SDSL: variants seen among roughly 807,000 people sequenced by gnomAD.
SDSL encodes serine dehydratase like.
A neutral mutation model predicts 27.6 loss-of-function variants in SDSL; 26 were observed. The observed-to-expected ratio is 0.94, with a 90% CI of 0.69 to 1.31. SDSL has a LOEUF of 1.31. Ranked by LOEUF, SDSL falls within the 50% of genes most tolerant of loss-of-function variation. The pLI is 0.00. For missense variants in SDSL, 431 were observed against 423.5 expected, an observed-to-expected ratio of 1.02 and a Z score of -0.16; for synonymous variants, 196 against 180.6, an observed-to-expected ratio of 1.09 and a Z score of -0.69.
chr12:113,427,928 A>T, intron 1 of SDSL, 34 bp from the exon 2 acceptor site: 2 of 1,557,686 alleles, frequency 1.3e-6, no homozygotes, highest in Non-Finnish European at 1.7e-6. Context: ...CTTGATGGGG[A>T]CTGCCTGGGT....
chr12:113,437,710 G>A (rs1165345604), intron 7 of SDSL, among the ~76,000 whole-genome samples, 176 bp from the exon 8 acceptor site: 1 of 152,190 alleles, frequency 6.6e-6, no homozygotes, highest in African/African-American at 2.4e-5. Context: ...GGAAGGATAG[G>A]AGGCCAGGCT....
chr12:113,431,147 TGTGGC>T (rs538218764), intron 4 of SDSL, among the ~76,000 whole-genome samples: 94 of 152,238 alleles, frequency 6.2e-4, no homozygotes, highest in Admixed American at 1.1e-3. Flanking sequence ...TGGGTGAAGG[TGTGGC>T]GTGGATGAGC....
In SDSL at chr12:113,438,121, G is replaced by A. The variant is rs1450522157; in HGVS notation, c.*42G>A. The A allele has an allele frequency of 3.3e-6, 5 of 1,532,608 alleles. No individual in the cohort carries two copies. Among genetic ancestry groups the A allele is most frequent in the Non-Finnish European group, 4.5e-6 (5 of 1,120,420 alleles). 94.9% of individuals were successfully genotyped at this position (1,532,608 alleles called of 1,614,324 possible). ...CCCAAAGACCCCTGAGAGGCCCATG[G>A]ACAGTCCTGTGTCTGGATGAGGAGG... On this transcript the variant is annotated 3_prime_UTR_variant, in exon 8 of 8. Coordinates refer to ENST00000403593, the MANE Select transcript of SDSL (RefSeq NM_001304993.2).
rs533577797 is a variant in SDSL at position 113,429,440 on chromosome 12, G to C, written c.354+141G>C. 3,285 of 954,338 alleles carry C rather than the reference G, an allele frequency of 3.4e-3. 12 individuals are homozygous for C. Among genetic ancestry groups the C allele is most frequent in the Non-Finnish European group, 4.3e-3 (2,775 of 646,384 alleles). The allele number at this position is 954,338 out of a possible 1,614,324, so 59.1% of individuals were successfully genotyped here. A position where few individuals can be genotyped will look rare whatever the true frequency, so the allele number is the denominator to read the frequency against. On this transcript the variant is annotated intron_variant, in intron 4 of 7. Coordinates refer to ENST00000403593, the MANE Select transcript of SDSL (RefSeq NM_001304993.2). The stretch of plus-strand genomic sequence containing the variant: ...CCTCTCTCAGGATAGCTGAGCTGAG[G>C]GGGGAATGAGGTGGGATGGGTGTTG...
chr12:113,426,825 G>A (rs978684591), intron 1 of SDSL, among the ~76,000 whole-genome samples: 2 of 152,112 alleles, frequency 1.3e-5, no homozygotes, highest in African/African-American at 4.8e-5. Flanking sequence ...TGTAGTCCCA[G>A]CTACTCAGGA....
At chr12:113,426,564 TTAGCCCACTTTAAGTA>T (rs1166535917) in intron 1 of SDSL, among the ~76,000 whole-genome samples, 1 of 152,224 alleles carries the variant, frequency 6.6e-6, no homozygotes, top group Admixed American at 6.5e-5. Flanking sequence ...TAAAATAAAA[TTAGCCCACTTTAAGTA>T]TAGAATTCAA....
In SDSL at chr12:113,435,586, G is replaced by T. The variant is rs757690315; in HGVS notation, c.671+30G>T. The T allele has an allele frequency of 2.5e-6, 4 of 1,577,440 alleles. No individual in the cohort carries two copies. In the East Asian group the frequency reaches 9.0e-5, roughly 35 times the overall value. On this transcript the variant is annotated intron_variant, in intron 6 of 7. Coordinates refer to ENST00000403593, the MANE Select transcript of SDSL (RefSeq NM_001304993.2). ...GTAAGGGCTGGGGACATTTGTAGGG[G>T]CTGGAGGGTGGGTGTGCCACTGTCC...
intron 6 of SDSL, 105 bp from the exon 7 acceptor site, chr12:113,436,646 C>A: frequency 1.6e-6 from 2 of 1,225,720 alleles, no homozygotes; most frequent in Non-Finnish European, 1.1e-6. Context: ...CTCCAACCAG[C>A]CCATGGCAGG....
chr12:113,435,250 G>T, intron 5 of SDSL, 79 bp from the exon 6 acceptor site: 1 of 988,762 alleles, frequency 1.0e-6, no homozygotes. Context: ...CCCACCCCTG[G>T]TAAATTCCCC....
chr12:113,425,434 C>A (rs1340310862), intron 1 of SDSL, among the ~76,000 whole-genome samples: 1 of 152,098 alleles, frequency 6.6e-6, no homozygotes, highest in Non-Finnish European at 1.5e-5. Flanking sequence ...AGACCCTGAT[C>A]TCTCTGATCT....
chr12:113,433,113 A>C (rs1307008594), intron 4 of SDSL, among the ~76,000 whole-genome samples: 1 of 152,212 alleles, frequency 6.6e-6, no homozygotes, highest in Admixed American at 6.5e-5. Flanking sequence ...TTGGAGCTGA[A>C]CTCATTTGCA....
intron 6 of SDSL, 111 bp from the exon 7 acceptor site, chr12:113,436,640 A>G (rs1019003416): frequency 8.5e-7 from 1 of 1,182,580 alleles, no homozygotes; most frequent in Admixed American, 3.2e-5. Flanking sequence ...GCTGAGCTCC[A>G]ACCAGCCCAT....
chr12:113,427,829 G>T, intron 1 of SDSL, 133 bp from the exon 2 acceptor site: 4 of 726,624 alleles, frequency 5.5e-6, no homozygotes, highest in Admixed American at 2.9e-5. Context: ...CTTGATGGGG[G>T]TCTCACAGCT....
rs779164441 is a variant in SDSL, at chr12:113,438,025, C to A, written c.936C>A (p.Asn312Lys). The A allele has an allele frequency of 1.6e-5, 26 of 1,614,156 alleles. No individual in the cohort carries two copies. The highest frequency in any genetic ancestry group is 2.2e-5 in the Non-Finnish European group (26 of 1,180,016). ...TTGTGGTAATCGTGTGTGGAGGCAA[C>A]AACATCAACAGCCGAGAGCTGCAGG... Reference protein sequence around the residue: ...TSVVVIVCGGNNINSRELQAL... With the variant: ...TSVVVIVCGGKNINSRELQAL... Residue 312 changes from asparagine to lysine, a missense_variant, in exon 8 of 8, where the codon AAC (asparagine) becomes AAA (lysine). Coordinates refer to ENST00000403593, the MANE Select transcript of SDSL (RefSeq NM_001304993.2).
chr12:113,426,531 G>A (rs1957853298), intron 1 of SDSL, among the ~76,000 whole-genome samples: 1 of 152,242 alleles, frequency 6.6e-6, no homozygotes. Flanking sequence ...AAAAAAATTA[G>A]CCTCAGTGAG....
At chr12:113,430,116 TTCCATCCA>T (rs750497934) in intron 4 of SDSL, among the ~76,000 whole-genome samples, 2 of 148,272 alleles carry the variant, frequency 1.3e-5, no homozygotes, top group East Asian at 1.9e-4. Context: ...TCTCCCTTCT[TTCCATCCA>T]TCCATCCATC....
intron 1 of SDSL, chr12:113,426,152 C>A (rs528055423): frequency 1.8e-4 from 81 of 455,960 alleles, no homozygotes; most frequent in African/African-American, 1.4e-3. Flanking sequence ...ACCCTCACCT[C>A]CTGCCCCAAA....
chr12:113,433,524 T>C (rs1277621566), intron 4 of SDSL, among the ~76,000 whole-genome samples: 1 of 151,380 alleles, frequency 6.6e-6, no homozygotes, highest in Non-Finnish European at 1.5e-5. Flanking sequence ...TGGTAGGGAG[T>C]GTAGAAATGA....
intron 4 of SDSL, among the ~76,000 whole-genome samples, chr12:113,430,760 AAAAT>A (rs965239868): frequency 6.6e-5 from 10 of 152,206 alleles, no homozygotes; most frequent in African/African-American, 2.4e-4. Context: ...TGGCAAAAAT[AAAAT>A]AAATAAATAA....
Sources: allele counts gnomAD v4.1 joint callset (sites outside exome capture counted in the v4.1 genomes callset), GRCh38; gene constraint gnomAD v4.1.1; transcripts MANE v1.5; gene names NCBI Gene and HGNC (gene_info 2026-07-23, HGNC 2026-07-21).